GRK3: variants seen among roughly 807,000 people sequenced by gnomAD.
GRK3 encodes the protein G protein-coupled receptor kinase 3, also known as adrenergic, beta, receptor kinase 2.
A neutral mutation model predicts 95.7 loss-of-function variants in GRK3; 54 were observed. The ratio of observed to expected loss-of-function variants is 0.56; its 90% confidence interval spans 0.45 to 0.71. GRK3 has a LOEUF of 0.71. Among genes scored for constraint, GRK3 ranks in the 30% least tolerant of loss-of-function variants. The pLI is 0.00. For synonymous variants in GRK3, 281 were observed against 290.8 expected, an observed-to-expected ratio of 0.97 and a Z score of 0.34; for missense variants, 649 against 851.2, an observed-to-expected ratio of 0.76 and a Z score of 2.96.
chr22:25,656,076 AG>A (rs2084869175), intron 3 of GRK3, among the ~76,000 whole-genome samples: 1 of 152,198 alleles, frequency 6.6e-6, no homozygotes, highest in African/African-American at 2.4e-5. Context: ...GAATGATTAT[AG>A]TACCTGTCTT....
intron 17 of GRK3, 53 bp downstream of exon 17, chr22:25,711,216 CTGTTG>C: frequency 7.8e-7 from 1 of 1,280,982 alleles, no homozygotes; most frequent in Non-Finnish European, 1.1e-6. Flanking sequence ...GGGATGATTT[CTGTTG>C]GAAATCAAAC....
chr22:25,603,311 C>T (rs1441210754), intron 1 of GRK3, among the ~76,000 whole-genome samples: 1 of 152,134 alleles, frequency 6.6e-6, no homozygotes, highest in Non-Finnish European at 1.5e-5. Context: ...TTATTGTTCA[C>T]TCCCACCATC....
chr22:25,597,176 G>A (rs558810605), intron 1 of GRK3, among the ~76,000 whole-genome samples: 1 of 152,198 alleles, frequency 6.6e-6, no homozygotes, highest in South Asian at 2.1e-4. Flanking sequence ...AATATCAAAT[G>A]TTCTAACATG....
chr22:25,679,575 A>G (rs768252985), intron 9 of GRK3, among the ~76,000 whole-genome samples: 1 of 152,204 alleles, frequency 6.6e-6, no homozygotes, highest in Admixed American at 6.5e-5. Flanking sequence ...TGTTAATGGT[A>G]TTACCCAAGA....
At chr22:25,631,014 G>A (rs921395062) in intron 2 of GRK3, among the ~76,000 whole-genome samples, 2 of 152,170 alleles carry the variant, frequency 1.3e-5, no homozygotes, top group Admixed American at 1.3e-4. Context: ...ATATGAAATA[G>A]ATGATTATAG....
chr22:25,597,857 G>A (rs1404267112), intron 1 of GRK3, among the ~76,000 whole-genome samples: 1 of 152,088 alleles, frequency 6.6e-6, no homozygotes, highest in East Asian at 1.9e-4. Context: ...TGCCAACCTG[G>A]GATCCTATAC....
At chr22:25,609,561 ACCTTGTGATCTGCCCG>A (rs1254723661) in intron 2 of GRK3, among the ~76,000 whole-genome samples, 7 of 152,182 alleles carry the variant, frequency 4.6e-5, no homozygotes, top group African/African-American at 1.4e-4. Flanking sequence ...CAAGCTCCTG[ACCTTGTGATCTGCCCG>A]CCTGGGCCTC....
At chr22:25,703,010 C>T (rs2085270384) in intron 13 of GRK3, 1 of 391,640 alleles carries the variant, frequency 2.6e-6, no homozygotes, top group Non-Finnish European at 5.0e-6. Context: ...CTGTTTTCAT[C>T]AAAGGGATGT....
intron 2 of GRK3, among the ~76,000 whole-genome samples, chr22:25,630,613 C>G (rs1053254605): frequency 6.6e-6 from 1 of 152,190 alleles, no homozygotes; most frequent in African/African-American, 2.4e-5. Flanking sequence ...CATTTCCCTC[C>G]CAGTCCCAGT....
intron 1 of GRK3, among the ~76,000 whole-genome samples, chr22:25,578,212 A>G (rs571326216): frequency 6.6e-6 from 1 of 152,222 alleles, no homozygotes; most frequent in African/African-American, 2.4e-5. Flanking sequence ...CATTTCCATC[A>G]CATAGGCACC....
At chr22:25,654,497 A>G (rs187584510) in intron 3 of GRK3, among the ~76,000 whole-genome samples, 1 of 152,370 alleles carries the variant, frequency 6.6e-6, no homozygotes, top group Non-Finnish European at 1.5e-5. Flanking sequence ...CGTTTACCAT[A>G]ATGTAAAAAC....
At chr22:25,659,822 G>A (rs557296167) in intron 3 of GRK3, among the ~76,000 whole-genome samples, 68 of 152,292 alleles carry the variant, frequency 4.5e-4, no homozygotes, top group Middle Eastern at 3.4e-3. Flanking sequence ...AAGGCTCTTA[G>A]TCAAGACAGT....
Position 25,725,148 on chromosome 22 carries a change from T to A in GRK3, c.*2698T>A, listed in dbSNP as rs1468819958. 1 of 155,290 alleles carries A rather than the reference T, an allele frequency of 6.4e-6. No homozygotes were observed. Among genetic ancestry groups the A allele is most frequent in the Non-Finnish European group, 1.4e-5 (1 of 70,104 alleles). 9.6% of individuals were successfully genotyped at this position (155,290 alleles called of 1,614,324 possible). ...ACCATGCCCAGCCATAGTACTTGGA[T>A]GTTTTAGAAGGTTTTCCAAGTATTA... On this transcript the variant is annotated 3_prime_UTR_variant, in exon 21 of 21. Transcript: ENST00000324198.
At chr22:25,619,684 G>A (rs2084566969) in intron 2 of GRK3, among the ~76,000 whole-genome samples, 1 of 129,612 alleles carries the variant, frequency 7.7e-6, no homozygotes, top group Non-Finnish European at 1.6e-5. Flanking sequence ...TGTAGAGATA[G>A]GATCTGGCTG....
rs373937909 is a variant in GRK3 at position 25,625,241 on chromosome 22, A to G, written c.191-19351A>G. ...CCAGATATAGATCTTAGAGATGATTATATATGAATATCATTAATCATTAGT... is the reference window on the plus strand; with the variant it reads ...CCAGATATAGATCTTAGAGATGATTGTATATGAATATCATTAATCATTAGT... On this transcript the variant is annotated intron_variant, in intron 2 of 20. Transcript: ENST00000324198. 2.6e-4 allele frequency among the ~76,000 whole-genome samples: 40 copies of G among 152,358 alleles called. No individual in the cohort carries two copies. In the South Asian group the frequency reaches 8.1e-3, roughly 31 times the overall value.
intron 1 of GRK3, among the ~76,000 whole-genome samples, chr22:25,586,502 A>C (rs71322111): frequency 0.033 from 5,025 of 150,482 alleles, 43 homozygotes; most frequent in African/African-American, 0.082. Flanking sequence ...TACTGTGTAC[A>C]CACAAATGTT....
chr22:25,620,174 C>T (rs981406863), intron 2 of GRK3, among the ~76,000 whole-genome samples: 10 of 151,964 alleles, frequency 6.6e-5, no homozygotes, highest in African/African-American at 1.5e-4. Flanking sequence ...CCAAATGGGG[C>T]GGAAACCAGC....
chr22:25,677,377 TAA>T (rs376997700), intron 8 of GRK3, among the ~76,000 whole-genome samples: 1 of 42,560 alleles, frequency 2.3e-5, no homozygotes, highest in African/African-American at 1.0e-4. Context: ...CCCCATATCT[TAA>T]AAAAAAAAAA....
At chr22:25,706,294 C>G (rs772313152) in intron 15 of GRK3, among the ~76,000 whole-genome samples, 1 of 152,032 alleles carries the variant, frequency 6.6e-6, no homozygotes, top group Non-Finnish European at 1.5e-5. Flanking sequence ...AGAAGTACGG[C>G]GGGTATGGGT....
Sources: allele counts gnomAD v4.1 joint callset (sites outside exome capture counted in the v4.1 genomes callset), GRCh38; gene constraint gnomAD v4.1.1; transcripts MANE v1.5; gene names NCBI Gene and HGNC (gene_info 2026-07-23, HGNC 2026-07-21).